Variants in SEPTIN10 observed in about 807,000 individuals in gnomAD.
The protein encoded by SEPTIN10 is septin-10.
In SEPTIN10, 66 loss-of-function variants were observed where a neutral mutation model predicts 54.8. The observed-to-expected ratio is 1.21, with a 90% CI of 0.99 to 1.48. SEPTIN10 has a LOEUF of 1.48. SEPTIN10 is among the 40% of genes most tolerant of loss of function. SEPTIN10 has a pLI of 0.00. For missense variants in SEPTIN10, 620 were observed against 545.6 expected (o/e 1.14, Z -1.36); for synonymous variants, 161 against 181.0 (o/e 0.89, Z 0.89).
rs1362199080 is a variant in SEPTIN10 at position 109,613,867 on chromosome 2, C to A, written c.-40G>T. The A allele has an allele frequency of 4.1e-6, 5 of 1,230,502 alleles. No individual in the cohort carries two copies. In the African/African-American group the frequency reaches 6.2e-5, roughly 15 times the overall value. 76.2% of individuals were successfully genotyped at this position (1,230,502 alleles called of 1,614,324 possible). A position where few individuals can be genotyped will look rare whatever the true frequency, so the allele number is the denominator to read the frequency against. ...GCACGGTGAAGCGGCTGTATCAGCC[C>A]GGCCCCGAGCGGCTGGTCCCGGCGA... On this transcript the variant is annotated 5_prime_UTR_variant, in exon 1 of 11. Coordinates refer to ENST00000397712, the MANE Select transcript of SEPTIN10 (RefSeq NM_144710.5).
chr2:109,601,765 T>C (rs1411896948), intron 1 of SEPTIN10, among the ~76,000 whole-genome samples: 1 of 143,786 alleles, frequency 7.0e-6, no homozygotes, highest in Non-Finnish European at 1.5e-5. Context: ...ACCCTGAAGT[T>C]AAAAAAAAAA....
At chr2:109,560,314 TG>T (rs1342168421) in intron 8 of SEPTIN10, among the ~76,000 whole-genome samples, 5 of 152,194 alleles carry the variant, frequency 3.3e-5, no homozygotes, top group Non-Finnish European at 7.3e-5. Flanking sequence ...AGCATAAACC[TG>T]GACCTCAACT....
At chr2:109,552,893 A>G (rs1010600778) in intron 9 of SEPTIN10, 194 bp downstream of exon 9, 1 of 619,604 alleles carries the variant, frequency 1.6e-6, no homozygotes, top group Non-Finnish European at 2.7e-6. Context: ...TTTAAAAAAA[A>G]AGAAGGCCAA....
chr2:109,545,528 C>A (rs748534797), intron 10 of SEPTIN10: 1 of 1,535,978 alleles, frequency 6.5e-7, no homozygotes, highest in Non-Finnish European at 8.7e-7. Flanking sequence ...GAGTTCGAAT[C>A]GACAGCCTGG....
chr2:109,574,798 A>G, intron 4 of SEPTIN10, 31 bp from the exon 5 acceptor site: 2 of 1,479,844 alleles, frequency 1.4e-6, no homozygotes, highest in African/African-American at 1.4e-5. Context: ...TTAATACAAC[A>G]TTATTTGTGC....
chr2:109,607,329 T>G (rs1460382386), intron 1 of SEPTIN10, among the ~76,000 whole-genome samples: 2 of 152,180 alleles, frequency 1.3e-5, no homozygotes, highest in Admixed American at 1.3e-4. Flanking sequence ...GTATTTAGTC[T>G]TAGACTGTTT....
intron 1 of SEPTIN10, among the ~76,000 whole-genome samples, chr2:109,600,119 A>G (rs1202709426): frequency 1.3e-5 from 2 of 152,304 alleles, no homozygotes; most frequent in Middle Eastern, 3.4e-3. Context: ...GACTGGGCAC[A>G]GTAGGGATGT....
intron 4 of SEPTIN10, among the ~76,000 whole-genome samples, chr2:109,577,500 G>A (rs1258962276): frequency 5.9e-5 from 9 of 151,666 alleles, no homozygotes; most frequent in African/African-American, 2.2e-4. Flanking sequence ...GCTGAGGCAG[G>A]AGAACTGCTG....
chr2:109,544,799 A>G, intron 10 of SEPTIN10: 1 of 760,928 alleles, frequency 1.3e-6, no homozygotes, highest in Non-Finnish European at 1.6e-6. Context: ...AAATAATTGC[A>G]TGCCTACTAT....
In SEPTIN10 at chr2:109,609,784, C is replaced by A. The variant is rs564530974; in HGVS notation, c.30+4014G>T. On this transcript the variant is annotated intron_variant, in intron 1 of 10. Transcript: ENST00000397712. ...GCATTGTAGCTAAAACAGGAAATGACAAATGCGGACAGGAATTGCAAAGAT... is the reference window on the plus strand; with the variant it reads ...GCATTGTAGCTAAAACAGGAAATGAAAAATGCGGACAGGAATTGCAAAGAT... Among the ~76,000 whole-genome samples, 14 of 152,084 alleles carry A rather than the reference C, an allele frequency of 9.2e-5. No individual in the cohort carries two copies. In the South Asian group the frequency reaches 1.9e-3, roughly 20 times the overall value.
At chr2:109,574,557 A>C (rs756994652) in intron 5 of SEPTIN10, 24 bp downstream of exon 5, 1 of 1,409,758 alleles carries the variant, frequency 7.1e-7, no homozygotes, top group South Asian at 1.8e-5. Context: ...AAGTATGGTA[A>C]GTTGATTCCT....
intron 8 of SEPTIN10, among the ~76,000 whole-genome samples, chr2:109,558,314 T>G (rs1684853981): frequency 6.6e-6 from 1 of 152,152 alleles, no homozygotes; most frequent in Non-Finnish European, 1.5e-5. Flanking sequence ...ATTTAGTTCT[T>G]GAGAATTCCA....
At chr2:109,577,327 T>A (rs1384497775) in intron 4 of SEPTIN10, among the ~76,000 whole-genome samples, 3 of 152,136 alleles carry the variant, frequency 2.0e-5, no homozygotes, top group Admixed American at 2.0e-4. Context: ...CCGGGCATGG[T>A]GGCTCACTGT....
intron 8 of SEPTIN10, among the ~76,000 whole-genome samples, chr2:109,555,945 G>A (rs931169134): frequency 2.0e-5 from 3 of 152,148 alleles, no homozygotes; most frequent in Non-Finnish European, 2.9e-5. Context: ...TTCCTTCCAA[G>A]CACTGCCATG....
chr2:109,610,506 G>A (rs1699025706), intron 1 of SEPTIN10, among the ~76,000 whole-genome samples: 1 of 152,136 alleles, frequency 6.6e-6, no homozygotes, highest in Non-Finnish European at 1.5e-5. Flanking sequence ...CCTGAGGTTG[G>A]GAGTTCAAGA....
At chr2:109,611,323 T>C (rs906416112) in intron 1 of SEPTIN10, among the ~76,000 whole-genome samples, 3 of 151,986 alleles carry the variant, frequency 2.0e-5, no homozygotes, top group African/African-American at 7.3e-5. Context: ...TAAAAGGAAA[T>C]AATGATAAAT....
chr2:109,544,321 G>A lies in SEPTIN10; in HGVS notation c.1353C>T (p.Ser451=). Residue 451 remains serine, a synonymous_variant, in exon 11 of 11, where the codon TCC becomes TCT. Coordinates refer to ENST00000397712, the MANE Select transcript of SEPTIN10 (RefSeq NM_144710.5). Reference sequence around the variant, plus strand: ...TGGAACTTCTGTTTTACAAAAAATTGGAGCTGGAAAGAAAAAGAACCTTTT... The same window carrying A: ...TGGAACTTCTGTTTTACAAAAAATTAGAGCTGGAAAGAAAAAGAACCTTTT... The part of the protein sequence containing the change: ...NLRKDKDRKN[S]NFL 1.3e-6 allele frequency: 2 copies of A among 1,582,734 alleles called. No homozygotes were observed. Among genetic ancestry groups the A allele is most frequent in the South Asian group, 1.2e-5 (1 of 85,050 alleles).
intron 4 of SEPTIN10, among the ~76,000 whole-genome samples, chr2:109,582,434 T>A (rs2105703107): frequency 6.6e-6 from 1 of 152,170 alleles, no homozygotes; most frequent in Admixed American, 6.6e-5. Flanking sequence ...ATAGTCCCAC[T>A]TCAGCCTCCC....
At chr2:109,560,764 G>A (rs1685483769) in intron 8 of SEPTIN10, among the ~76,000 whole-genome samples, 1 of 152,158 alleles carries the variant, frequency 6.6e-6, no homozygotes, top group Admixed American at 6.5e-5. Context: ...CTAGATGAAT[G>A]CAGTAACCAT....
Sources: gnomAD v4.1 joint callset for allele counts (sites outside exome capture counted in the v4.1 genomes callset) on GRCh38, gnomAD v4.1.1 for gene constraint, MANE v1.5 for transcripts, NCBI Gene and HGNC (gene_info 2026-07-23, HGNC 2026-07-21) for gene names.